Variants in TTLL2 observed in about 807,000 individuals in gnomAD.
TTLL2 encodes the protein probable tubulin polyglutamylase TTLL2.
In TTLL2, 10 loss-of-function variants were observed where a neutral mutation model predicts 7.5. The ratio of observed to expected loss-of-function variants is 1.33; its 90% CI spans 0.82 to 2.25. The LOEUF (loss-of-function observed/expected upper bound fraction) is 2.25. Among genes scored for constraint, TTLL2 ranks in the 30% most tolerant of loss-of-function variants. The pLI is 0.00. For missense variants in TTLL2, 733 were observed against 735.7 expected (o/e 1.00, Z 0.04); for synonymous variants, 284 against 280.3 (o/e 1.01, Z -0.13).
At chr6:167,336,551 G>A (rs555404942) in intron 1 of TTLL2, among the ~76,000 whole-genome samples, 19 of 152,012 alleles carry the variant, frequency 1.2e-4, no homozygotes, top group Non-Finnish European at 2.6e-4. Flanking sequence ...CCTTCTCAGC[G>A]ATGGGGACTT....
chr6:167,334,317 A>G (rs1262549537), intron 1 of TTLL2, among the ~76,000 whole-genome samples: 1 of 146,958 alleles, frequency 6.8e-6, no homozygotes, highest in African/African-American at 2.6e-5. Context: ...ATAGTTTGTT[A>G]TAATTTCTCT....
At chr6:167,328,831 G>A (rs1778880341) in intron 1 of TTLL2, among the ~76,000 whole-genome samples, 1 of 152,018 alleles carries the variant, frequency 6.6e-6, no homozygotes, top group Admixed American at 6.5e-5. Context: ...CTTGGTACTG[G>A]GTGCTTCACC....
chr6:167,325,171 C>A lies in TTLL2; in HGVS notation c.-3C>A. 1 of 1,578,020 alleles carries A rather than the reference C, an allele frequency of 6.3e-7. No homozygotes were observed. The highest frequency in any genetic ancestry group is 1.2e-5 in the South Asian group (1 of 85,702). ...CAGAGGCCACCCTCGGAACCAGCGC[C>A]CAATGAGAGGGCGGGACCTGTGTTC... is the stretch of plus-strand genomic sequence containing the variant. On this transcript the variant is annotated 5_prime_UTR_variant, in exon 1 of 3. Transcript: ENST00000239587.
intron 1 of TTLL2, among the ~76,000 whole-genome samples, chr6:167,330,567 CAAA>C (rs67587383): frequency 6.7e-6 from 1 of 148,894 alleles, no homozygotes; most frequent in Non-Finnish European, 1.5e-5. Flanking sequence ...CTCACAACAA[CAAA>C]AAAAAAGAAA....
chr6:167,330,029 C>G (rs1356220641), intron 1 of TTLL2, among the ~76,000 whole-genome samples: 1 of 152,172 alleles, frequency 6.6e-6, no homozygotes, highest in African/African-American at 2.4e-5. Context: ...AGGACTCACT[C>G]TCTTTGGTAA....
rs1282420570 is a variant in TTLL2, at chr6:167,342,415, G to T, written c.*736G>T. On this transcript the variant is annotated 3_prime_UTR_variant, in exon 3 of 3. Coordinates refer to ENST00000239587, the MANE Select transcript of TTLL2 (RefSeq NM_031949.5). ...TAGGTTACTTGAAAACATTATTCTA[G>T]TGAAAGTAGTCAGATACAAAAGGCC... Among the ~76,000 whole-genome samples the T allele has an allele frequency of 1.3e-5, 2 of 152,188 alleles. No homozygotes were observed. The highest frequency in any genetic ancestry group is 2.9e-5 in the Non-Finnish European group (2 of 68,034).
chr6:167,329,658 T>A (rs1035198726), intron 1 of TTLL2, among the ~76,000 whole-genome samples: 11 of 152,246 alleles, frequency 7.2e-5, no homozygotes, highest in African/African-American at 2.7e-4. Flanking sequence ...ACCTACTTTA[T>A]TCTTCTCTAG....
intron 1 of TTLL2, among the ~76,000 whole-genome samples, chr6:167,337,348 G>A (rs1779000569): frequency 6.6e-6 from 1 of 152,194 alleles, no homozygotes; most frequent in Non-Finnish European, 1.5e-5. Flanking sequence ...TCCAGGGAGG[G>A]CCGGCCACTC....
chr6:167,337,961 A>C (rs1779012186), intron 1 of TTLL2, among the ~76,000 whole-genome samples: 1 of 151,886 alleles, frequency 6.6e-6, no homozygotes. Context: ...ACACACATAC[A>C]TACCACGTAT....
rs777102747 is a variant in TTLL2 at position 167,341,127 on chromosome 6, T to G, written c.1227T>G (p.His409Gln). Residue 409 changes from histidine to glutamine, a missense_variant, in exon 3 of 3, where the codon CAT (histidine) becomes CAG (glutamine). His to Gln is a conservative substitution (Grantham distance 24, BLOSUM62 0). Transcript: ENST00000239587. Reference sequence around the variant, plus strand: ...TGTTGGTGAAGAGAAAACTTGTCCATGATATTATTGACCTGATTTACTTAA... The same window carrying G: ...TGTTGGTGAAGAGAAAACTTGTCCAGGATATTATTGACCTGATTTACTTAA... ...TDVLVKRKLV[H>Q]DIIDLIYLNG... is the part of the protein sequence containing the mutation. The G allele has an allele frequency of 8.1e-6, 13 of 1,613,684 alleles. No homozygotes were observed. Among genetic ancestry groups the G allele is most frequent in the Non-Finnish European group, 1.1e-5 (13 of 1,179,906 alleles).
At chr6:167,338,603 A>C (rs113424628) in intron 1 of TTLL2, 44 bp from the exon 2 acceptor site, 326 of 1,577,298 alleles carry the variant, frequency 2.1e-4, no homozygotes, top group Non-Finnish European at 2.8e-4. Flanking sequence ...AACAGTGACA[A>C]GGGAGATGCT....
chr6:167,341,413 C>T lies in TTLL2; in HGVS notation c.1513C>T (p.Pro505Ser). Residue 505 changes from proline (P) to serine (S), a missense_variant, in exon 3 of 3, where the codon CCA becomes TCA. Pro to Ser is a moderately conservative substitution (Grantham distance 74). Coordinates refer to ENST00000239587, the MANE Select transcript of TTLL2 (RefSeq NM_031949.5). The part of the protein sequence containing the change: ...QDFHLSTREM[P>S]QSKPKLRSRH... Reference sequence around the variant, plus strand: ...TTTTCATCTGTCAACAAGGGAGATGCCACAAAGCAAGCCCAAGTTACGGAG... The same window carrying T: ...TTTTCATCTGTCAACAAGGGAGATGTCACAAAGCAAGCCCAAGTTACGGAG... The T allele has an allele frequency of 4.3e-6, 7 of 1,613,960 alleles. No homozygotes were observed. Among genetic ancestry groups the T allele is most frequent in the Non-Finnish European group, 5.9e-6 (7 of 1,180,004 alleles).
In TTLL2 at chr6:167,340,971, A is replaced by G. The variant is rs1488008118; in HGVS notation, c.1071A>G (p.Ala357=). Residue 357 remains alanine (A), a synonymous_variant, in exon 3 of 3, where the codon GCA becomes GCG. Coordinates refer to ENST00000239587, the MANE Select transcript of TTLL2 (RefSeq NM_031949.5). ...RMVILTILAI[A]PSVPFAANCF... ...TTATTCTCACCATTCTCGCCATTGC[A>G]CCATCTGTCCCCTTTGCTGCCAATT... The G allele has an allele frequency of 6.2e-7, 1 of 1,614,114 alleles. No individual in the cohort carries two copies. The highest frequency in any genetic ancestry group is 1.1e-5 in the South Asian group (1 of 91,074).
chr6:167,336,645 A>T (rs888140432), intron 1 of TTLL2, among the ~76,000 whole-genome samples: 3 of 151,998 alleles, frequency 2.0e-5, no homozygotes, highest in Non-Finnish European at 4.4e-5. Context: ...CTCCGAGACA[A>T]GACAGTGGTT....
Position 167,342,261 on chromosome 6 carries a change from G to A in TTLL2, c.*582G>A, listed in dbSNP as rs934921456. Among the ~76,000 whole-genome samples, 9 of 152,200 alleles carry A rather than the reference G, an allele frequency of 5.9e-5. No homozygotes were observed. On this transcript the variant is annotated 3_prime_UTR_variant, in exon 3 of 3. Transcript: ENST00000239587. ...GGCATCTTTGGGCTGTATTTAAATA[G>A]TGGCCCCTTGGCCTTGTCACCATTT...
chr6:167,329,580 T>G (rs1464099875), intron 1 of TTLL2, among the ~76,000 whole-genome samples: 1 of 152,224 alleles, frequency 6.6e-6, no homozygotes, highest in Non-Finnish European at 1.5e-5. Context: ...GTAATATATT[T>G]GTATATTTGT....
rs758374040 is a variant in TTLL2 at position 167,338,663 on chromosome 6, A to T, written c.64A>T (p.Thr22Ser). ...TGTTCACAGATCTTTGAGAACCACC[A>T]CCCCAGCCTTTACCCTTAACATTCC... ...SQALGSLRTTTPAFTLNIPSE... is the reference protein window; with the variant it reads ...SQALGSLRTTSPAFTLNIPSE... The change falls in exon 2 of 3, where the codon ACC becomes TCC. Residue 22 changes from threonine to serine, a missense_variant. Thr to Ser is a moderately conservative substitution (Grantham distance 58, BLOSUM62 1). Transcript: ENST00000239587. 9 of 1,613,152 alleles carry T rather than the reference A, an allele frequency of 5.6e-6. No individual in the cohort carries two copies. The South Asian group carries it at 9.9e-5, about 18-fold the overall frequency.
chr6:167,327,075 G>T (rs1335641198), intron 1 of TTLL2, among the ~76,000 whole-genome samples: 4 of 152,194 alleles, frequency 2.6e-5, no homozygotes, highest in Non-Finnish European at 4.4e-5. Context: ...TAAGAGGGAA[G>T]CAGTTGCAAC....
chr6:167,325,236 G>C lies in TTLL2; in HGVS notation c.47+16G>C. 3 of 1,546,836 alleles carry C rather than the reference G, an allele frequency of 1.9e-6. No homozygotes were observed. The highest frequency in any genetic ancestry group is 2.6e-6 in the Non-Finnish European group (3 of 1,144,472). ...AGGCGCTGGGGTAAGCGTAGGAGGC[G>C]ACACGTAGGATGGGAGGGTGGCCCC... is the stretch of plus-strand genomic sequence containing the variant. On this transcript the variant is annotated intron_variant, in intron 1 of 2. Transcript: ENST00000239587.
Sources: gnomAD v4.1 joint callset for allele counts (sites outside exome capture counted in the v4.1 genomes callset) on GRCh38, gnomAD v4.1.1 for gene constraint, MANE v1.5 for transcripts, NCBI Gene and HGNC (gene_info 2026-07-23, HGNC 2026-07-21) for gene names.